OGN: variants seen among roughly 807,000 people sequenced by gnomAD.
OGN encodes osteoglycin, also known as mimecan.
OGN carries 19 observed loss-of-function variants against 30.8 expected under a neutral mutation model. That is an observed-to-expected ratio of 0.62 (90% CI 0.43 to 0.90). The LOEUF is 0.90. OGN is among the 40% of genes least tolerant of loss of function. OGN has a pLI of 0.00. For synonymous variants in OGN, 126 were observed against 128.3 expected (o/e 0.98, Z 0.12); for missense variants, 283 against 349.7 (o/e 0.81, Z 1.52).
chr9:92,396,224 C>T lies in OGN; in HGVS notation c.269-2980G>A, dbSNP rs1338892868. ...ATTTTGTTCTGGTGACCCACTTTAA[C>T]ATTTTTATGCCAATACTGCAGTGTC... On this transcript the variant is annotated intron_variant, in intron 3 of 6. Coordinates refer to ENST00000375561, the MANE Select transcript of OGN (RefSeq NM_014057.5). 3.3e-5 allele frequency among the ~76,000 whole-genome samples: 5 copies of T among 152,178 alleles called. No homozygotes were observed. The South Asian group carries it at 8.3e-4, about 25-fold the overall frequency.
In OGN at chr9:92,402,367, A is replaced by G. The variant is rs561290232; in HGVS notation, c.174+867T>C. Among the ~76,000 whole-genome samples, 3 of 152,366 alleles carry G rather than the reference A, an allele frequency of 2.0e-5. No individual in the cohort carries two copies. In the East Asian group the frequency reaches 5.8e-4, roughly 29 times the overall value. On this transcript the variant is annotated intron_variant, in intron 2 of 6. Transcript: ENST00000375561. The stretch of plus-strand genomic sequence containing the variant: ...GAGAAAGTAGCAATTATAACTGGTC[A>G]ATCTTATAAGTCTTTATCCTCCAAT...
intron 4 of OGN, among the ~76,000 whole-genome samples, chr9:92,392,415 A>G (rs535504817): frequency 3.3e-5 from 5 of 152,236 alleles, no homozygotes; most frequent in African/African-American, 1.2e-4. Context: ...CAAGGTCAGG[A>G]GTTCCAGACC....
chr9:92,397,297 A>G (rs568964274), intron 3 of OGN, among the ~76,000 whole-genome samples: 2 of 152,084 alleles, frequency 1.3e-5, no homozygotes, highest in Non-Finnish European at 2.9e-5. Flanking sequence ...GAAATCAGCT[A>G]TCTCTTCAGA....
intron 1 of OGN, 117 bp from the exon 2 acceptor site, chr9:92,403,599 G>C (rs181346547): frequency 1.2e-5 from 15 of 1,221,196 alleles, no homozygotes; most frequent in Non-Finnish European, 1.5e-5. Flanking sequence ...TCTTTAATTA[G>C]ATGCTAGCAG....
intron 5 of OGN, 130 bp downstream of exon 5, chr9:92,389,724 A>C (rs1842590160): frequency 6.3e-6 from 4 of 631,288 alleles, no homozygotes; most frequent in Non-Finnish European, 1.1e-5. Flanking sequence ...TTATTATGTA[A>C]ATAATGTCTT....
intron 4 of OGN, among the ~76,000 whole-genome samples, chr9:92,391,268 G>T (rs1300291289): frequency 6.6e-6 from 1 of 151,778 alleles, no homozygotes. Flanking sequence ...TTAGCCAGGC[G>T]TGGTGGCGAG....
At chr9:92,399,641 C>A (rs1271701557) in intron 3 of OGN, among the ~76,000 whole-genome samples, 4 of 152,258 alleles carry the variant, frequency 2.6e-5, no homozygotes, top group Admixed American at 2.6e-4. Flanking sequence ...TGTACGATTT[C>A]ATTTTATACA....
chr9:92,401,703 C>T (rs1843118105), intron 2 of OGN, among the ~76,000 whole-genome samples: 1 of 152,170 alleles, frequency 6.6e-6, no homozygotes, highest in African/African-American at 2.4e-5. Context: ...AGCCCTGGCT[C>T]TTGGATCCCT....
chr9:92,385,700 C>T lies in OGN; in HGVS notation c.817G>A (p.Glu273Lys), dbSNP rs1842390309. 6.2e-7 allele frequency: 1 copy of T among 1,614,104 alleles called. No individual in the cohort carries two copies. The highest frequency in any genetic ancestry group is 1.1e-5 in the South Asian group (1 of 91,078). ...IRDRIEEIRLEGNPIVLGKHP... is the reference protein window; with the variant it reads ...IRDRIEEIRLKGNPIVLGKHP... Reference sequence around the variant, plus strand: ...TTTCCCAGGACGATTGGATTGCCCTCCAGGCGTATCTCTTCAATGCGGTCC... The same window carrying T: ...TTTCCCAGGACGATTGGATTGCCCTTCAGGCGTATCTCTTCAATGCGGTCC... Residue 273 changes from glutamate (E) to lysine (K), a missense_variant, in exon 7 of 7, where the codon GAG becomes AAG. Glu to Lys is a moderately conservative substitution (Grantham distance 56, BLOSUM62 1). Coordinates refer to ENST00000375561, the MANE Select transcript of OGN (RefSeq NM_014057.5).
chr9:92,390,188 A>G (rs2130893328), intron 4 of OGN, 132 bp from the exon 5 acceptor site: 1 of 587,200 alleles, frequency 1.7e-6, no homozygotes, highest in East Asian at 2.8e-5. Flanking sequence ...TTTACAATTC[A>G]TAGCCCAGTA....
At chr9:92,397,657 G>A (rs1482287902) in intron 3 of OGN, among the ~76,000 whole-genome samples, 2 of 152,140 alleles carry the variant, frequency 1.3e-5, no homozygotes, top group East Asian at 3.9e-4. Flanking sequence ...GTGGAGAATG[G>A]TATTAGAAAC....
intron 3 of OGN, among the ~76,000 whole-genome samples, chr9:92,394,693 C>T (rs996620373): frequency 3.3e-5 from 5 of 150,300 alleles, no homozygotes; most frequent in African/African-American, 1.2e-4. Flanking sequence ...CAGTCTCCGC[C>T]TCCCGGGTTC....
rs191067747 is a variant in OGN at position 92,383,301 on chromosome 9, G to A, written c.*2319C>T. Among the ~76,000 whole-genome samples the A allele has an allele frequency of 1.7e-4, 26 of 152,072 alleles. No homozygotes were observed. In the East Asian group the frequency reaches 4.8e-3, roughly 28 times the overall value. ...TTCAAGATTCTTCTCTTTATTTGGG[G>A]GTCTCTTGAAGTTCCATTTTATTTG... On this transcript the variant is annotated 3_prime_UTR_variant, in exon 7 of 7. Coordinates refer to ENST00000375561, the MANE Select transcript of OGN (RefSeq NM_014057.5).
rs778334512 is a variant in OGN at position 92,393,092 on chromosome 9, C to G, written c.421G>C (p.Asp141His). The change falls in exon 4 of 7, where the codon GAC becomes CAC. Residue 141 changes from aspartate to histidine, a missense_variant. Asp to His is a moderately conservative substitution (Grantham distance 81). Transcript: ENST00000375561. ...IKKLTAKDFA[D>H]IPNLRRLDFT... ...ATATTTCAGCTTAACTTACGTATGT[C>G]TGCAAAATCTTTGGCAGTCAGCTTT... 1 of 1,612,838 alleles carries G rather than the reference C, an allele frequency of 6.2e-7. No individual in the cohort carries two copies. Among genetic ancestry groups the G allele is most frequent in the South Asian group, 1.1e-5 (1 of 90,674 alleles).
intron 3 of OGN, among the ~76,000 whole-genome samples, chr9:92,394,144 A>C (rs1423998101): frequency 1.3e-5 from 2 of 152,154 alleles, no homozygotes; most frequent in Non-Finnish European, 2.9e-5. Flanking sequence ...GTGATTTTCT[A>C]ATTCCATCAT....
At chr9:92,394,853 C>T (rs953365477) in intron 3 of OGN, among the ~76,000 whole-genome samples, 5 of 151,608 alleles carry the variant, frequency 3.3e-5, no homozygotes, top group African/African-American at 9.7e-5. Context: ...GTGATCTGCC[C>T]GCCTCAGCCT....
At position 92,393,173 on chromosome 9, in the gene OGN, C is replaced by T. The variant is rs1157287205; in HGVS notation, c.340G>A (p.Val114Ile). Residue 114 changes from valine to isoleucine, a missense_variant, in exon 4 of 7, where the codon GTA becomes ATA. By Grantham distance (29) the Val-to-Ile change is conservative. Transcript: ENST00000375561. ...VYCEEVDIDA[V>I]PPLPKESAYL... ...GCTGATTCCTTTGGTAAGGGTGGTACAGCATCAATGTCAACTTCTTCACAG... is the reference window on the plus strand; with the variant it reads ...GCTGATTCCTTTGGTAAGGGTGGTATAGCATCAATGTCAACTTCTTCACAG... 1 of 1,613,536 alleles carries T rather than the reference C, an allele frequency of 6.2e-7. No individual in the cohort carries two copies. Among genetic ancestry groups the T allele is most frequent in the East Asian group, 2.2e-5 (1 of 44,828 alleles).
chr9:92,392,546 CAG>C (rs1472861218), intron 4 of OGN, among the ~76,000 whole-genome samples: 3 of 151,136 alleles, frequency 2.0e-5, no homozygotes, highest in African/African-American at 7.3e-5. Flanking sequence ...ACCTGGGAGA[CAG>C]AGGTTGCAGT....
At chr9:92,397,358 C>T (rs1195042325) in intron 3 of OGN, among the ~76,000 whole-genome samples, 1 of 152,086 alleles carries the variant, frequency 6.6e-6, no homozygotes, top group Non-Finnish European at 1.5e-5. Context: ...GACAGAGTCT[C>T]GCCCTGTCAC....
Sources: allele counts gnomAD v4.1 joint callset (sites outside exome capture counted in the v4.1 genomes callset), GRCh38; gene constraint gnomAD v4.1.1; transcripts MANE v1.5; gene names NCBI Gene and HGNC (gene_info 2026-07-23, HGNC 2026-07-21).